FAM177B: variants seen among roughly 807,000 people sequenced by gnomAD.
FAM177B encodes protein FAM177B.
Under a neutral mutation model 16.1 loss-of-function variants are expected in FAM177B, and 16 were observed. That is an observed-to-expected ratio of 0.99 (90% confidence interval 0.67 to 1.51). FAM177B has a LOEUF of 1.51. Among genes scored for constraint, FAM177B ranks in the 40% most tolerant of loss-of-function variants. The pLI is 0.00. For missense variants in FAM177B, 178 were observed against 183.7 expected (o/e 0.97, Z 0.18); for synonymous variants, 56 against 59.9 (o/e 0.93, Z 0.30).
chr1:222,737,949 T>G lies in FAM177B; in HGVS notation c.-88T>G, dbSNP rs1247149135. On this transcript the variant is annotated 5_prime_UTR_variant, in exon 2 of 6. Transcript: ENST00000445590. ...AAAGAAGAACCAAGAATGACTTTAG[T>G]GTTGTTGGCCTGAGCAACTGGAAGA... 6.6e-6 allele frequency: 1 copy of G among 152,176 alleles called. No homozygotes were observed. Among genetic ancestry groups the G allele is most frequent in the African/African-American group, 2.4e-5 (1 of 41,424 alleles). 9.4% of individuals were successfully genotyped at this position (152,176 alleles called of 1,614,324 possible).
chr1:222,740,821 T>G (rs1299233420), intron 2 of FAM177B, among the ~76,000 whole-genome samples: 1 of 151,938 alleles, frequency 6.6e-6, no homozygotes, highest in African/African-American at 2.4e-5. Flanking sequence ...CGCCTCAGCC[T>G]CCCGAGTAGC....
At chr1:222,741,928 C>CTCTT (rs1205750338) in intron 2 of FAM177B, among the ~76,000 whole-genome samples, 157 of 84,710 alleles carry the variant, frequency 1.9e-3, no homozygotes, top group Middle Eastern at 7.7e-3. Flanking sequence ...CTCTCTCTCT[C>CTCTT]TCTTTCTTTC....
intron 2 of FAM177B, among the ~76,000 whole-genome samples, chr1:222,738,351 A>T (rs1266040867): frequency 6.6e-6 from 1 of 152,120 alleles, no homozygotes; most frequent in African/African-American, 2.4e-5. Context: ...TGTTAATTAC[A>T]TTATATACTT....
chr1:222,749,793 G>A (rs909658457), intron 5 of FAM177B, 128 bp from the exon 6 acceptor site: 1 of 1,006,464 alleles, frequency 9.9e-7, no homozygotes, highest in South Asian at 1.4e-5. Context: ...TGTAGAAGAA[G>A]GTAGTTGGGT....
intron 2 of FAM177B, among the ~76,000 whole-genome samples, chr1:222,743,498 T>C (rs568343572): frequency 1.2e-4 from 18 of 152,206 alleles, no homozygotes; most frequent in African/African-American, 3.6e-4. Context: ...CCCTGTCTTG[T>C]TGAATTATTC....
Position 222,741,923 on chromosome 1 carries a change from TC to T in FAM177B, c.-16+3903del, listed in dbSNP as rs1274201644. On this transcript the variant is annotated intron_variant, in intron 2 of 5. Coordinates refer to ENST00000445590, the MANE Select transcript of FAM177B (RefSeq NM_001394345.1). ...CTCCCTCCCTCTCTCTCTCTCTCTC[TC>T]TCTCTCTTTCTTTCTTTCTTTCTTT... Among the ~76,000 whole-genome samples, 293 of 116,844 alleles carry T rather than the reference TC, an allele frequency of 2.5e-3. 1 individual carries two copies. Among genetic ancestry groups the T allele is most frequent in the African/African-American group, 9.1e-3 (267 of 29,254 alleles). The allele number at this position is 116,844 out of a possible 152,430, so 76.7% of individuals were successfully genotyped here. A position where few individuals can be genotyped will look rare whatever the true frequency, so the allele number is the denominator to read the frequency against.
chr1:222,748,628 A>G (rs1317889460), intron 4 of FAM177B, among the ~76,000 whole-genome samples: 1 of 152,242 alleles, frequency 6.6e-6, no homozygotes, highest in Non-Finnish European at 1.5e-5. Context: ...GTAGGTCATA[A>G]ACAGGAAAGC....
rs746956458 is a variant in FAM177B at position 222,749,906 on chromosome 1, TTCTC to T, written c.340-12_340-9del. The T allele has an allele frequency of 5.0e-6, 8 of 1,613,668 alleles. No individual in the cohort carries two copies. The highest frequency in any genetic ancestry group is 6.8e-6 in the Non-Finnish European group (8 of 1,179,722). On this transcript the variant is annotated splice_polypyrimidine_tract_variant and intron_variant, in intron 5 of 5. Transcript: ENST00000445590. ...TTTGTACAGTTAAACATTTCCTTAT[TTCTC>T]TCCAAAACAGAAAAGTGACAACAAA...
Position 222,750,594 on chromosome 1 carries a change from ATCAAGATCT to A in FAM177B, c.*538_*546del, listed in dbSNP as rs1267738146. On this transcript the variant is annotated 3_prime_UTR_variant, in exon 6 of 6. Coordinates refer to ENST00000445590, the MANE Select transcript of FAM177B (RefSeq NM_001394345.1). Reference sequence around the variant, plus strand: ...CTAATAACTGTGTTACAAGATCATTATCAAGATCTTTAAGAATTAGGTACATCCCTCCAA... The same window carrying A: ...CTAATAACTGTGTTACAAGATCATTATTAAGAATTAGGTACATCCCTCCAA... 1 of 942,746 alleles carries A rather than the reference ATCAAGATCT, an allele frequency of 1.1e-6. No homozygotes were observed. Among genetic ancestry groups the A allele is most frequent in the African/African-American group, 1.8e-5 (1 of 56,346 alleles). 58.4% of individuals were successfully genotyped at this position (942,746 alleles called of 1,614,324 possible). A position where few individuals can be genotyped will look rare whatever the true frequency, so the allele number is the denominator to read the frequency against.
intron 2 of FAM177B, among the ~76,000 whole-genome samples, chr1:222,743,488 C>A (rs1223423825): frequency 6.6e-6 from 1 of 152,076 alleles, no homozygotes; most frequent in African/African-American, 2.4e-5. Context: ...ATTCAGTATA[C>A]CCTGTCTTGT....
intron 2 of FAM177B, among the ~76,000 whole-genome samples, chr1:222,741,920 CTCTCTCTCTCTTTCTT>C (rs1243349689): frequency 1.9e-5 from 2 of 104,084 alleles, no homozygotes; most frequent in African/African-American, 7.9e-5. Context: ...CTCTCTCTCT[CTCTCTCTCTCTTTCTT>C]TCTTTCTTTC....
chr1:222,738,289 A>G (rs748700553), intron 2 of FAM177B, among the ~76,000 whole-genome samples: 1 of 152,162 alleles, frequency 6.6e-6, no homozygotes, highest in Non-Finnish European at 1.5e-5. Context: ...AGGTCCAATC[A>G]CTGAGCCCTG....
intron 2 of FAM177B, among the ~76,000 whole-genome samples, chr1:222,743,158 T>C (rs1658626160): frequency 6.6e-6 from 1 of 152,182 alleles, no homozygotes; most frequent in Admixed American, 6.5e-5. Context: ...TTTTTGTTTT[T>C]GTTTTTTGAG....
chr1:222,747,120 AAT>A (rs1658837236), intron 4 of FAM177B, 39 bp downstream of exon 4: 3 of 1,351,572 alleles, frequency 2.2e-6, no homozygotes, highest in African/African-American at 2.9e-5. Context: ...ATCCTAAACA[AAT>A]ATATATATCG....
At chr1:222,748,765 A>T (rs1365020825) in intron 4 of FAM177B, among the ~76,000 whole-genome samples, 7 of 152,238 alleles carry the variant, frequency 4.6e-5, no homozygotes, top group Admixed American at 6.5e-5. Flanking sequence ...TAAAAACAGC[A>T]TCATTTTGAT....
Position 222,750,585 on chromosome 1 carries a change from A to G in FAM177B, c.*527A>G. On this transcript the variant is annotated 3_prime_UTR_variant, in exon 6 of 6. Coordinates refer to ENST00000445590, the MANE Select transcript of FAM177B (RefSeq NM_001394345.1). ...TAAACATTGCTAATAACTGTGTTAC[A>G]AGATCATTATCAAGATCTTTAAGAA... The G allele has an allele frequency of 2.1e-6, 2 of 960,232 alleles. No homozygotes were observed. The highest frequency in any genetic ancestry group is 2.5e-6 in the Non-Finnish European group (2 of 807,042). 59.5% of individuals were successfully genotyped at this position (960,232 alleles called of 1,614,324 possible).
At chr1:222,745,334 A>G (rs1288000742) in intron 2 of FAM177B, among the ~76,000 whole-genome samples, 2 of 152,244 alleles carry the variant, frequency 1.3e-5, no homozygotes, top group African/African-American at 4.8e-5. Context: ...TTAAGAGACC[A>G]GGCATAGTGG....
intron 5 of FAM177B, 80 bp from the exon 6 acceptor site, chr1:222,749,841 A>C (rs147644388): frequency 0.011 from 15,946 of 1,419,520 alleles, 122 homozygotes; most frequent in Non-Finnish European, 0.013. Context: ...AGCTTCTTAC[A>C]TGGGCATTAT....
chr1:222,747,122 T>C (rs369962484), intron 4 of FAM177B, 41 bp downstream of exon 4: 228 of 1,346,708 alleles, frequency 1.7e-4, no homozygotes, highest in Non-Finnish European at 2.3e-4. Context: ...CCTAAACAAA[T>C]ATATATATCG....
Sources: gnomAD v4.1 joint callset for allele counts (sites outside exome capture counted in the v4.1 genomes callset) on GRCh38, gnomAD v4.1.1 for gene constraint, MANE v1.5 for transcripts, NCBI Gene and HGNC (gene_info 2026-07-23, HGNC 2026-07-21) for gene names.